Variants in TMEM200A observed in about 807,000 individuals in gnomAD.
The protein encoded by TMEM200A is two transmembrane C.
Under a neutral mutation model 24.3 loss-of-function variants are expected in TMEM200A, and 12 were observed. The ratio of observed to expected loss-of-function variants is 0.49; its 90% CI spans 0.32 to 0.80. The LOEUF is 0.80. Ranked by LOEUF, TMEM200A falls within the 30% of genes least tolerant of loss-of-function variation. The pLI is 0.04. For missense variants in TMEM200A, 545 were observed against 614.4 expected (o/e 0.89, Z 1.19); for synonymous variants, 224 against 224.4 (o/e 1.00, Z 0.02).
intron 2 of TMEM200A, among the ~76,000 whole-genome samples, chr6:130,425,862 A>G (rs942627157): frequency 1.3e-5 from 2 of 152,222 alleles, no homozygotes; most frequent in Non-Finnish European, 2.9e-5. Context: ...ATGAAAGTAC[A>G]GCAAAGCTAA....
At chr6:130,431,109 A>G (rs1468648168) in intron 2 of TMEM200A, among the ~76,000 whole-genome samples, 1 of 152,188 alleles carries the variant, frequency 6.6e-6, no homozygotes, top group East Asian at 1.9e-4. Flanking sequence ...TGTATATAAG[A>G]TATTTAATAG....
chr6:130,382,679 A>AT (rs907128871), intron 1 of TMEM200A, among the ~76,000 whole-genome samples: 7 of 151,744 alleles, frequency 4.6e-5, no homozygotes, highest in East Asian at 1.9e-4. Flanking sequence ...AACATGAAAG[A>AT]TTTTTTTTTC....
intron 1 of TMEM200A, among the ~76,000 whole-genome samples, chr6:130,377,914 C>T (rs1244083872): frequency 6.6e-6 from 1 of 152,066 alleles, no homozygotes; most frequent in Non-Finnish European, 1.5e-5. Flanking sequence ...CCAAGGAAGC[C>T]CTCTCTGATA....
At chr6:130,384,813 T>C (rs1321706574) in intron 1 of TMEM200A, among the ~76,000 whole-genome samples, 1 of 152,234 alleles carries the variant, frequency 6.6e-6, no homozygotes, top group East Asian at 1.9e-4. Context: ...GGTAGGTAAC[T>C]CTCCTATAAA....
intron 2 of TMEM200A, among the ~76,000 whole-genome samples, chr6:130,396,610 T>C (rs138945159): frequency 2.0e-4 from 31 of 152,204 alleles, no homozygotes; most frequent in African/African-American, 7.0e-4. Context: ...ACCATATACA[T>C]TATATATACA....
intron 2 of TMEM200A, among the ~76,000 whole-genome samples, chr6:130,426,462 C>T (rs866654710): frequency 2.6e-4 from 30 of 116,632 alleles, no homozygotes; most frequent in African/African-American, 1.1e-3. Context: ...TTTCTGCAGC[C>T]CCCCCCCCCT....
intron 2 of TMEM200A, among the ~76,000 whole-genome samples, chr6:130,431,069 G>A (rs950482007): frequency 2.6e-5 from 4 of 152,140 alleles, no homozygotes; most frequent in African/African-American, 9.7e-5. Flanking sequence ...ATACGGACAC[G>A]ACTGTGTTAC....
chr6:130,429,057 C>T (rs756188543), intron 2 of TMEM200A, among the ~76,000 whole-genome samples: 5 of 152,130 alleles, frequency 3.3e-5, no homozygotes, highest in African/African-American at 4.8e-5. Context: ...TGGCATAAAA[C>T]GTATTTTTAG....
In TMEM200A at chr6:130,366,410, C is replaced by T. The variant is rs1778147415; in HGVS notation, c.-195C>T. ...ATTCCCGCTGACGCCCCCGACCCTGCCGCCTTCTTCGTCCGCCTCCAGAGG... is the reference window on the plus strand; with the variant it reads ...ATTCCCGCTGACGCCCCCGACCCTGTCGCCTTCTTCGTCCGCCTCCAGAGG... On this transcript the variant is annotated 5_prime_UTR_variant, in exon 1 of 3. Coordinates refer to ENST00000296978, the MANE Select transcript of TMEM200A (RefSeq NM_001258277.2). This position sits in a 1 kb window ranked among gnomAD's most constrained non-coding sequence, Gnocchi z 4.4. 1.2e-5 allele frequency: 12 copies of T among 985,552 alleles called. No homozygotes were observed. The highest frequency in any genetic ancestry group is 1.4e-5 in the Non-Finnish European group (12 of 830,034). 61.1% of individuals were successfully genotyped at this position (985,552 alleles called of 1,614,324 possible). A position where few individuals can be genotyped will look rare whatever the true frequency, so the allele number is the denominator to read the frequency against.
chr6:130,371,917 A>G (rs1778329604), intron 1 of TMEM200A, among the ~76,000 whole-genome samples: 1 of 152,230 alleles, frequency 6.6e-6, no homozygotes, highest in Non-Finnish European at 1.5e-5. Flanking sequence ...GTCAGGCACT[A>G]TCAGGGAAGG....
chr6:130,436,436 A>G (rs562777072), intron 2 of TMEM200A, among the ~76,000 whole-genome samples: 1 of 150,378 alleles, frequency 6.6e-6, no homozygotes, highest in South Asian at 2.1e-4. Context: ...ACAAAAAAAA[A>G]CAGTCATAAA....
chr6:130,441,192 T>G lies in TMEM200A; in HGVS notation c.770T>G (p.Leu257Arg). Residue 257 changes from leucine to arginine, a missense_variant, in exon 3 of 3, where the codon CTC (leucine) becomes CGC (arginine). Coordinates refer to ENST00000296978, the MANE Select transcript of TMEM200A (RefSeq NM_001258277.2). ...LSDSSVSVFG[L>R]YPPPSKTTDD... Reference sequence around the variant, plus strand: ...GACAGCTCTGTGTCTGTCTTTGGCCTCTATCCACCTCCTTCCAAGACAACT... The same window carrying G: ...GACAGCTCTGTGTCTGTCTTTGGCCGCTATCCACCTCCTTCCAAGACAACT... 1 of 1,614,112 alleles carries G rather than the reference T, an allele frequency of 6.2e-7. No homozygotes were observed. The highest frequency in any genetic ancestry group is 8.5e-7 in the Non-Finnish European group (1 of 1,179,974).
intron 2 of TMEM200A, among the ~76,000 whole-genome samples, chr6:130,427,480 C>G (rs1217674895): frequency 6.6e-6 from 1 of 152,112 alleles, no homozygotes; most frequent in Non-Finnish European, 1.5e-5. Flanking sequence ...CCATTACTAT[C>G]GTGCTGCAGT....
At chr6:130,390,030 C>T (rs973443014) in intron 2 of TMEM200A, among the ~76,000 whole-genome samples, 19 of 152,280 alleles carry the variant, frequency 1.2e-4, no homozygotes, top group Admixed American at 9.1e-4. Flanking sequence ...TGGCCAGAAA[C>T]GTGTTTTGGT....
intron 2 of TMEM200A, among the ~76,000 whole-genome samples, chr6:130,403,156 A>G (rs1405409217): frequency 6.6e-6 from 1 of 152,036 alleles, no homozygotes; most frequent in African/African-American, 2.4e-5. Flanking sequence ...GGTCCCTTCC[A>G]TTCTGAGGGA....
At chr6:130,399,931 C>G (rs1467009601) in intron 2 of TMEM200A, among the ~76,000 whole-genome samples, 1 of 151,884 alleles carries the variant, frequency 6.6e-6, no homozygotes, top group African/African-American at 2.4e-5. Context: ...TGAGAACATA[C>G]AATGTTTGGT....
At chr6:130,402,529 C>G (rs1036083485) in intron 2 of TMEM200A, among the ~76,000 whole-genome samples, 3 of 152,092 alleles carry the variant, frequency 2.0e-5, no homozygotes, top group Admixed American at 6.6e-5. Flanking sequence ...GAACTTGACT[C>G]TATCAATTAT....
intron 1 of TMEM200A, among the ~76,000 whole-genome samples, chr6:130,378,204 A>G (rs1583174850): frequency 6.6e-6 from 1 of 152,222 alleles, no homozygotes; most frequent in Middle Eastern, 3.4e-3. Context: ...ACCTTTATCA[A>G]TATCACTTTC....
Position 130,441,542 on chromosome 6 carries a change from T to A in TMEM200A, c.1120T>A (p.Ser374Thr), listed in dbSNP as rs1282049633. The stretch of plus-strand genomic sequence containing the variant: ...CGGACCTGGGGCTGGACAGCTCTTG[T>A]CTCCTGGGGCTGCCAGAAGACAGTT... The part of the protein sequence containing the change: ...ALGPGAGQLL[S>T]PGAARRQFGS... Residue 374 changes from serine to threonine, a missense_variant, in exon 3 of 3, where the codon TCT (serine) becomes ACT (threonine). By Grantham distance (58) the Ser-to-Thr change is moderately conservative. Transcript: ENST00000296978. The A allele has an allele frequency of 6.2e-7, 1 of 1,613,878 alleles. No homozygotes were observed. Among genetic ancestry groups the A allele is most frequent in the Non-Finnish European group, 8.5e-7 (1 of 1,179,992 alleles).
Sources: allele counts gnomAD v4.1 joint callset (sites outside exome capture counted in the v4.1 genomes callset), GRCh38; gene constraint gnomAD v4.1.1; non-coding constraint Gnocchi (gnomAD v3.1); transcripts MANE v1.5; gene names NCBI Gene and HGNC (gene_info 2026-07-23, HGNC 2026-07-21).